SPI1: variants seen among roughly 807,000 people sequenced by gnomAD.
SPI1 encodes the protein transcription factor PU.1.
Under a neutral mutation model 30.7 loss-of-function variants are expected in SPI1, and 3 were observed. The observed-to-expected ratio is 0.10, with a 90% CI of 0.04 to 0.25. The LOEUF (loss-of-function observed/expected upper bound fraction) is 0.25. Among genes scored for constraint, SPI1 ranks in the 10% least tolerant of loss-of-function variants. The pLI is 1.00. For missense variants in SPI1, 261 were observed against 371.5 expected (o/e 0.70, Z 2.45); for synonymous variants, 169 against 157.1 (o/e 1.08, Z -0.56).
In SPI1 at chr11:47,355,413, C is replaced by T. The variant is rs1156482324; in HGVS notation, c.627G>A (p.Leu209=). The T allele has an allele frequency of 1.2e-6, 2 of 1,613,760 alleles. No homozygotes were observed. The highest frequency in any genetic ancestry group is 1.7e-6 in the Non-Finnish European group (2 of 1,179,808). The change falls in exon 5 of 5, where the codon CTG becomes CTA. Residue 209 remains leucine (L), a synonymous_variant. Coordinates refer to ENST00000378538, the MANE Select transcript of SPI1 (RefSeq NM_003120.3). ...FQFSSKHKEA[L]AHRWGIQKGN... ...CCTTCTGGATGCCCCAGCGGTGCGCCAGCGCCTCCTTGTGCTTGGACGAGA... is the reference window on the plus strand; with the variant it reads ...CCTTCTGGATGCCCCAGCGGTGCGCTAGCGCCTCCTTGTGCTTGGACGAGA...
intron 2 of SPI1, among the ~76,000 whole-genome samples, chr11:47,366,822 AAAAAG>A (rs10635081): frequency 0.27 from 39,886 of 149,136 alleles, 6,112 homozygotes; most frequent in Middle Eastern, 0.37. Flanking sequence ...ACGCTGTCTC[AAAAAG>A]AAAAGAAAAG....
Position 47,358,789 on chromosome 11 carries a change from G to T in SPI1, c.493+55C>A, listed in dbSNP as rs3740688. 0.56 allele frequency: 862,890 copies of T among 1,528,708 alleles called. 245,703 individuals carry two copies. Among genetic ancestry groups the T allele is most frequent in the African/African-American group, 0.73 (53,315 of 72,650 alleles). 94.7% of individuals were successfully genotyped at this position (1,528,708 alleles called of 1,614,324 possible). A position where few individuals can be genotyped will look rare whatever the true frequency, so the allele number is the denominator to read the frequency against. The stretch of plus-strand genomic sequence containing the variant: ...GGTCAGTTGGCCTGGCTGGGTGGGG[G>T]CAGGGCACAGACACGGCCAGGGTCG... On this transcript the variant is annotated intron_variant, in intron 4 of 4. Coordinates refer to ENST00000378538, the MANE Select transcript of SPI1 (RefSeq NM_003120.3).
intron 2 of SPI1, among the ~76,000 whole-genome samples, chr11:47,362,061 T>C (rs2095921548): frequency 6.6e-6 from 1 of 152,158 alleles, no homozygotes; most frequent in Admixed American, 6.5e-5. Flanking sequence ...CATTTACCAC[T>C]GTGTGACAAT....
intron 2 of SPI1, among the ~76,000 whole-genome samples, chr11:47,373,305 T>C (rs980118304): frequency 1.5e-4 from 23 of 151,258 alleles, no homozygotes; most frequent in African/African-American, 5.6e-4. Context: ...TGAGCCAAGA[T>C]TGTGCCACTG....
Position 47,378,344 on chromosome 11 carries a change from C to T in SPI1, c.10G>A (p.Ala4Thr), listed in dbSNP as rs1307052870. MLQ[A>T]CKMEGFPLVP... ...AGGGGAAACCCTTCCATTTTGCACG[C>T]CTGTAACATCCAGCCGGGCTCCGAG... Residue 4 changes from alanine (A) to threonine (T), a missense_variant, in exon 1 of 5, where the codon GCG becomes ACG. Physicochemically the swap from Ala to Thr is moderately conservative, Grantham distance 58. Around this residue, in one of 5 missense-constraint regions of SPI1, gnomAD observed 78 missense variants for 93.2 expected, o/e 0.84. Transcript: ENST00000378538. 1 of 1,613,518 alleles carries T rather than the reference C, an allele frequency of 6.2e-7. No individual in the cohort carries two copies. The highest frequency in any genetic ancestry group is 1.1e-5 in the South Asian group (1 of 90,950).
chr11:47,356,926 C>T (rs2095911186), intron 4 of SPI1, among the ~76,000 whole-genome samples: 1 of 82,310 alleles, frequency 1.2e-5, no homozygotes, highest in Non-Finnish European at 3.2e-5. Flanking sequence ...TCACACACCT[C>T]ACACCATTCA....
chr11:47,366,844 A>AAAGAC (rs2095928949), intron 2 of SPI1, among the ~76,000 whole-genome samples: 1 of 151,408 alleles, frequency 6.6e-6, no homozygotes, highest in African/African-American at 2.4e-5. Context: ...AAAGAAAAGA[A>AAAGAC]AAGAAAAGAA....
chr11:47,365,545 A>C (rs973438760), intron 2 of SPI1, among the ~76,000 whole-genome samples: 1 of 152,194 alleles, frequency 6.6e-6, no homozygotes, highest in African/African-American at 2.4e-5. Flanking sequence ...AGAGAAGTTA[A>C]GTCCTTTGCA....
At position 47,354,987 on chromosome 11, in the gene SPI1, T is replaced by C. The variant is rs1303461743; in HGVS notation, c.*240A>G. Reference sequence around the variant, plus strand: ...GTACCCCGGGTCGTCCTCTGCAAGGTTGCCCCGGTGGGGTCTGACGCCCAG... The same window carrying C: ...GTACCCCGGGTCGTCCTCTGCAAGGCTGCCCCGGTGGGGTCTGACGCCCAG... On this transcript the variant is annotated 3_prime_UTR_variant, in exon 5 of 5. Transcript: ENST00000378538. The C allele has an allele frequency of 8.9e-6, 3 of 335,424 alleles. No homozygotes were observed. Among genetic ancestry groups the C allele is most frequent in the Non-Finnish European group, 1.1e-5 (2 of 187,000 alleles). The allele number at this position is 335,424 out of a possible 1,614,324, so 20.8% of individuals were successfully genotyped here.
In SPI1 at chr11:47,359,868, G is replaced by A. The variant is rs764832542; in HGVS notation, c.315C>T (p.Pro105=). 6 of 1,606,452 alleles carry A rather than the reference G, an allele frequency of 3.7e-6. No individual in the cohort carries two copies. The highest frequency in any genetic ancestry group is 5.1e-6 in the Non-Finnish European group (6 of 1,179,802). ...VLDTPMVPPH[P]SLGHQVSYLP... is the part of the protein sequence containing the mutation. The stretch of plus-strand genomic sequence containing the variant: ...TGGCATGCACCTGGTGGCCAAGACT[G>A]GGATGGGGTGGCACCATGGGGGTAT... Residue 105 remains proline (P), a synonymous_variant, in exon 3 of 5, where the codon CCC becomes CCT. Coordinates refer to ENST00000378538, the MANE Select transcript of SPI1 (RefSeq NM_003120.3). The surrounding 1 kb of genome is among the most constrained non-coding windows in gnomAD (Gnocchi z 5.1).
chr11:47,357,632 C>G (rs893061267), intron 4 of SPI1, among the ~76,000 whole-genome samples: 1 of 152,194 alleles, frequency 6.6e-6, no homozygotes, highest in African/African-American at 2.4e-5. Context: ...ATGGCACGAT[C>G]TCGGCTCACT....
chr11:47,373,246 G>A (rs1420106781), intron 2 of SPI1, among the ~76,000 whole-genome samples: 1 of 152,118 alleles, frequency 6.6e-6, no homozygotes, highest in African/African-American at 2.4e-5. Context: ...TAGCTACTTG[G>A]GAGGCTGAGG....
At chr11:47,367,031 A>G (rs910402412) in intron 2 of SPI1, among the ~76,000 whole-genome samples, 13 of 152,158 alleles carry the variant, frequency 8.5e-5, no homozygotes, top group Non-Finnish European at 1.5e-4. Flanking sequence ...GATACTTAGT[A>G]TATATTTATT....
At chr11:47,369,453 T>G (rs1254440129) in intron 2 of SPI1, among the ~76,000 whole-genome samples, 1 of 151,832 alleles carries the variant, frequency 6.6e-6, no homozygotes, top group Non-Finnish European at 1.5e-5. Flanking sequence ...CTTTTCCATC[T>G]GCTCTCCACC....
chr11:47,369,688 C>G (rs2095933140), intron 2 of SPI1, among the ~76,000 whole-genome samples: 1 of 152,128 alleles, frequency 6.6e-6, no homozygotes, highest in Non-Finnish European at 1.5e-5. Context: ...TAGAAAAATG[C>G]TTTCCAATTT....
At chr11:47,357,338 C>T (rs1017726971) in intron 4 of SPI1, among the ~76,000 whole-genome samples, 2 of 82,730 alleles carry the variant, frequency 2.4e-5, no homozygotes, top group Non-Finnish European at 5.0e-5. Flanking sequence ...TTGACACCTG[C>T]TCACTCATAT....
intron 2 of SPI1, among the ~76,000 whole-genome samples, chr11:47,366,799 C>T (rs58841898): frequency 0.015 from 2,269 of 147,162 alleles, 32 homozygotes; most frequent in African/African-American, 0.041. Flanking sequence ...ACAGCCTGGA[C>T]GATAAGAGTG....
At chr11:47,363,594 C>T (rs556768112) in intron 2 of SPI1, among the ~76,000 whole-genome samples, 2 of 152,224 alleles carry the variant, frequency 1.3e-5, no homozygotes, top group African/African-American at 4.8e-5. Context: ...CTCAAGTGAT[C>T]CTCCCACCTC....
chr11:47,374,124 C>T lies in SPI1; in HGVS notation c.142+1509G>A, dbSNP rs2095939412. Among the ~76,000 whole-genome samples the T allele has an allele frequency of 6.6e-6, 1 of 152,162 alleles. No homozygotes were observed. Among genetic ancestry groups the T allele is most frequent in the South Asian group, 2.1e-4 (1 of 4,834 alleles). On this transcript the variant is annotated intron_variant, in intron 2 of 4. Coordinates refer to ENST00000378538, the MANE Select transcript of SPI1 (RefSeq NM_003120.3). The surrounding 1 kb of genome is among the most constrained non-coding windows in gnomAD (Gnocchi z 4.5). Reference sequence around the variant, plus strand: ...CTGTCCCAGGGCCCAGCGGGACCTCCTGGAGTCCTGGAACCGCTTGGGAAG... The same window carrying T: ...CTGTCCCAGGGCCCAGCGGGACCTCTTGGAGTCCTGGAACCGCTTGGGAAG...
Sources: gnomAD v4.1 joint callset for allele counts (sites outside exome capture counted in the v4.1 genomes callset) on GRCh38, gnomAD v4.1.1 for gene constraint, gnomAD v4.1.1 regional missense constraint, Gnocchi (gnomAD v3.1) non-coding constraint, MANE v1.5 for transcripts, NCBI Gene and HGNC (gene_info 2026-07-23, HGNC 2026-07-21) for gene names.